Variants in NADK2 observed in about 807,000 individuals in gnomAD.
NADK2 encodes the protein NAD kinase domain-containing protein 1, mitochondrial.
A neutral mutation model predicts 62.1 loss-of-function variants in NADK2; 35 were observed. The observed-to-expected ratio is 0.56, with a 90% confidence interval of 0.43 to 0.75. NADK2 has a LOEUF of 0.75. Ranked by LOEUF, NADK2 falls within the 30% of genes least tolerant of loss-of-function variation. NADK2 has a pLI of 0.00. For synonymous variants in NADK2, 205 were observed against 207.9 expected (o/e 0.99, Z 0.12); for missense variants, 439 against 561.3 (o/e 0.78, Z 2.20).
rs546378763 is a variant in NADK2 at position 36,235,223 on chromosome 5, C to T, written c.300+6276G>A. 7.9e-5 allele frequency among the ~76,000 whole-genome samples: 12 copies of T among 152,088 alleles called. No individual in the cohort carries two copies. In the East Asian group the frequency reaches 1.9e-3, roughly 25 times the overall value. ...TAAAATTTTGGTTAAAAAAACACTACGCAAGCAGAGTTAAAAATCAACATA... is the reference window on the plus strand; with the variant it reads ...TAAAATTTTGGTTAAAAAAACACTATGCAAGCAGAGTTAAAAATCAACATA... On this transcript the variant is annotated intron_variant, in intron 1 of 11. Coordinates refer to ENST00000381937, the MANE Select transcript of NADK2 (RefSeq NM_001085411.3).
At chr5:36,225,877 T>C (rs1338998977) in intron 3 of NADK2, among the ~76,000 whole-genome samples, 5 of 152,180 alleles carry the variant, frequency 3.3e-5, no homozygotes, top group African/African-American at 4.8e-5. Context: ...GTTTTAGAGG[T>C]AGTCCCTTTA....
At chr5:36,200,323 T>C (rs1746391968) in intron 9 of NADK2, 43 bp from the exon 10 acceptor site, 10 of 1,220,102 alleles carry the variant, frequency 8.2e-6, no homozygotes, top group Non-Finnish European at 1.1e-5. Flanking sequence ...TATAAATATA[T>C]ATATCTTATA....
chr5:36,233,290 G>A (rs952315126), intron 1 of NADK2, among the ~76,000 whole-genome samples: 3 of 152,160 alleles, frequency 2.0e-5, no homozygotes, highest in South Asian at 2.1e-4. Flanking sequence ...CATTTTGGGC[G>A]TCGTATGAAA....
intron 1 of NADK2, among the ~76,000 whole-genome samples, chr5:36,234,832 T>C (rs1747844111): frequency 6.6e-6 from 1 of 152,210 alleles, no homozygotes; most frequent in African/African-American, 2.4e-5. Context: ...ACTGAAAATC[T>C]ACTCAAAAGT....
At position 36,194,032 on chromosome 5, in the gene NADK2, G is replaced by A. The variant is rs537074426; in HGVS notation, c.*1112C>T. 2 of 152,396 alleles carry A rather than the reference G, an allele frequency of 1.3e-5. No homozygotes were observed. Among genetic ancestry groups the A allele is most frequent in the Non-Finnish European group, 1.5e-5 (1 of 68,006 alleles). The allele number at this position is 152,396 out of a possible 1,614,324, so 9.4% of individuals were successfully genotyped here. ...AATACCAACTGTTTGATTATGCAACGACAGGATCTTTTGGCAAAAATTCTA... is the reference window on the plus strand; with the variant it reads ...AATACCAACTGTTTGATTATGCAACAACAGGATCTTTTGGCAAAAATTCTA... On this transcript the variant is annotated 3_prime_UTR_variant, in exon 12 of 12. Coordinates refer to ENST00000381937, the MANE Select transcript of NADK2 (RefSeq NM_001085411.3).
intron 1 of NADK2, among the ~76,000 whole-genome samples, chr5:36,229,789 T>C (rs1316188801): frequency 2.0e-5 from 3 of 150,150 alleles, no homozygotes; most frequent in African/African-American, 7.3e-5. Context: ...ATATTGAACA[T>C]GCTAGATACT....
chr5:36,196,314 TTAGC>T (rs1746231435), intron 11 of NADK2, among the ~76,000 whole-genome samples: 1 of 152,170 alleles, frequency 6.6e-6, no homozygotes, highest in African/African-American at 2.4e-5. Context: ...AATTGGTACT[TTAGC>T]CATTCTGGTG....
rs759673523 is a variant in NADK2 at position 36,225,575 on chromosome 5, T to A, written c.527A>T (p.Lys176Ile). Residue 176 changes from lysine (K) to isoleucine (I), a missense_variant, in exon 4 of 12, where the codon AAA becomes ATA. Lys to Ile is a moderately radical substitution (Grantham distance 102, BLOSUM62 -3). Transcript: ENST00000381937. ...LAASKVLDRLKPVIGVNTDPE... is the reference protein window; with the variant it reads ...LAASKVLDRLIPVIGVNTDPE... ...ATCAGTGTTTACCCCTATAACTGGT[T>A]TAAGTCTGTCCAAGACTTTACTCGC... is the stretch of plus-strand genomic sequence containing the variant. The A allele has an allele frequency of 6.2e-7, 1 of 1,613,978 alleles. No homozygotes were observed. The highest frequency in any genetic ancestry group is 8.5e-7 in the Non-Finnish European group (1 of 1,179,898).
At chr5:36,220,928 G>C (rs1056080603) in intron 4 of NADK2, 3 of 152,180 alleles carry the variant, frequency 2.0e-5, no homozygotes, top group Admixed American at 6.5e-5. Flanking sequence ...CTCACATCAT[G>C]GTGGCTGTCC....
intron 7 of NADK2, among the ~76,000 whole-genome samples, chr5:36,210,665 T>C (rs539270615): frequency 6.6e-6 from 1 of 152,360 alleles, no homozygotes; most frequent in Non-Finnish European, 1.5e-5. Context: ...GAAGTGTTCT[T>C]AAATTTAAAA....
chr5:36,207,076 A>G, intron 8 of NADK2, 94 bp downstream of exon 8: 4 of 934,886 alleles, frequency 4.3e-6, no homozygotes, highest in Non-Finnish European at 5.2e-6. Context: ...CCACCAGGAC[A>G]CCTCTTGCAT....
intron 1 of NADK2, among the ~76,000 whole-genome samples, chr5:36,236,978 C>A (rs940421314): frequency 6.6e-6 from 1 of 152,036 alleles, no homozygotes; most frequent in Admixed American, 6.6e-5. Flanking sequence ...TTCAACCACC[C>A]TGAAATACCA....
chr5:36,232,029 G>A (rs1375928867), intron 1 of NADK2, among the ~76,000 whole-genome samples: 2 of 152,128 alleles, frequency 1.3e-5, no homozygotes, highest in Non-Finnish European at 2.9e-5. Context: ...TTCAATATAA[G>A]CAAGAGTTTC....
intron 8 of NADK2, among the ~76,000 whole-genome samples, chr5:36,203,601 A>G (rs544616382): frequency 1.3e-5 from 2 of 152,086 alleles, no homozygotes; most frequent in African/African-American, 2.4e-5. Flanking sequence ...CAACATAGAG[A>G]AGGCTGAGAT....
chr5:36,212,943 T>C (rs1408273045), intron 6 of NADK2: 1 of 152,170 alleles, frequency 6.6e-6, no homozygotes, highest in African/African-American at 2.4e-5. Context: ...TGATGACATA[T>C]CACTTCTGAG....
Position 36,194,685 on chromosome 5 carries a change from C to CTCTG in NADK2, c.*455_*458dup, listed in dbSNP as rs1429647631. The CTCTG allele has an allele frequency of 6.7e-6, 1 of 148,908 alleles. No homozygotes were observed. Among genetic ancestry groups the CTCTG allele is most frequent in the Non-Finnish European group, 1.5e-5 (1 of 68,044 alleles). The allele number at this position is 148,908 out of a possible 1,614,324, so 9.2% of individuals were successfully genotyped here. Reference sequence around the variant, plus strand: ...GTCAATGTCAGGATTTATCAAAATTCTCTGTCTTGAAAATTTTTTCAAAAT... The same window carrying CTCTG: ...GTCAATGTCAGGATTTATCAAAATTCTCTGTCTGTCTTGAAAATTTTTTCAAAAT... On this transcript the variant is annotated 3_prime_UTR_variant, in exon 12 of 12. Coordinates refer to ENST00000381937, the MANE Select transcript of NADK2 (RefSeq NM_001085411.3).
intron 7 of NADK2, chr5:36,208,671 C>G: frequency 6.5e-7 from 1 of 1,533,110 alleles, no homozygotes; most frequent in Admixed American, 2.0e-5. Flanking sequence ...TCCACTGCTA[C>G]AGCCCAAGAA....
intron 2 of NADK2, 69 bp from the exon 3 acceptor site, chr5:36,226,632 G>T: frequency 1.9e-6 from 2 of 1,076,284 alleles, no homozygotes; most frequent in Non-Finnish European, 2.8e-6. Context: ...TATGTTTTCT[G>T]AGAGGCAGAT....
intron 11 of NADK2, among the ~76,000 whole-genome samples, chr5:36,196,625 G>C (rs568720288): frequency 6.6e-6 from 1 of 152,232 alleles, no homozygotes; most frequent in South Asian, 2.1e-4. Context: ...CTTACTTCCA[G>C]TGTAGTTCAA....
Sources: allele counts gnomAD v4.1 joint callset (sites outside exome capture counted in the v4.1 genomes callset), GRCh38; gene constraint gnomAD v4.1.1; transcripts MANE v1.5; gene names NCBI Gene and HGNC (gene_info 2026-07-23, HGNC 2026-07-21).